Variants in PLCB1 observed in about 807,000 individuals in gnomAD.
PLCB1 encodes 1-phosphatidylinositol 4,5-bisphosphate phosphodiesterase beta-1.
Under a neutral mutation model 161.8 loss-of-function variants are expected in PLCB1, and 46 were observed. That is an observed-to-expected ratio of 0.28 (90% confidence interval 0.22 to 0.36). The LOEUF (loss-of-function observed/expected upper bound fraction) is 0.36, where lower values mean the gene tolerates loss of function less well. Among genes scored for constraint, PLCB1 ranks in the 10% least tolerant of loss-of-function variants. PLCB1 has a pLI of 1.00. For synonymous variants in PLCB1, 517 were observed against 503.7 expected (o/e 1.03, Z -0.35); for missense variants, 1,016 against 1,472.5 (o/e 0.69, Z 5.07).
chr20:8,649,755 C>T, intron 7 of PLCB1: 2 of 380,556 alleles, frequency 5.3e-6, no homozygotes, highest in Non-Finnish European at 9.7e-6. Flanking sequence ...CCCTCTCCAC[C>T]TTGGACTTCC....
At chr20:8,333,034 A>C (rs2745784) in intron 2 of PLCB1, among the ~76,000 whole-genome samples, 53,776 of 152,020 alleles carry the variant, frequency 0.35, 10,338 homozygotes, top group African/African-American at 0.49. Flanking sequence ...ACGAGGGACT[A>C]CGTGACCATT....
chr20:8,475,034 GAC>G (rs1268963861), intron 3 of PLCB1, among the ~76,000 whole-genome samples: 234 of 136,284 alleles, frequency 1.7e-3, no homozygotes, highest in African/African-American at 5.7e-3. Flanking sequence ...CACACACACA[GAC>G]ACACACACAC....
At chr20:8,372,585 A>C (rs1220183028) in intron 3 of PLCB1, among the ~76,000 whole-genome samples, 2 of 152,254 alleles carry the variant, frequency 1.3e-5, no homozygotes, top group South Asian at 4.1e-4. Flanking sequence ...ATATGAAACT[A>C]ATCTGTTATT....
intron 2 of PLCB1, among the ~76,000 whole-genome samples, chr20:8,228,069 G>T (rs898359218): frequency 6.6e-6 from 1 of 152,122 alleles, no homozygotes; most frequent in Admixed American, 6.5e-5. Flanking sequence ...TAAGGCAGGA[G>T]AATTGCTTGA....
intron 31 of PLCB1, among the ~76,000 whole-genome samples, chr20:8,850,276 C>A (rs939206717): frequency 6.6e-6 from 1 of 152,180 alleles, no homozygotes; most frequent in South Asian, 2.1e-4. Context: ...ATTTTCTAAT[C>A]GTGCTTCCAG....
At chr20:8,172,896 A>G (rs2051746806) in intron 2 of PLCB1, among the ~76,000 whole-genome samples, 1 of 152,200 alleles carries the variant, frequency 6.6e-6, no homozygotes, top group Non-Finnish European at 1.5e-5. Flanking sequence ...GGTGATCAGG[A>G]CCAGCATTTT....
chr20:8,619,423 GA>G (rs546147369), intron 3 of PLCB1, among the ~76,000 whole-genome samples: 60 of 135,092 alleles, frequency 4.4e-4, no homozygotes, highest in African/African-American at 5.9e-4. Context: ...TGTCTAAAAA[GA>G]AAAAAAAAAA....
At chr20:8,780,226 A>G (rs998141572) in intron 27 of PLCB1, among the ~76,000 whole-genome samples, 1 of 152,176 alleles carries the variant, frequency 6.6e-6, no homozygotes, top group East Asian at 1.9e-4. Flanking sequence ...AGGGTCCCCA[A>G]TCACTCTGGG....
At chr20:8,660,091 A>T (rs954002829) in intron 9 of PLCB1, among the ~76,000 whole-genome samples, 2 of 151,734 alleles carry the variant, frequency 1.3e-5, no homozygotes, top group Non-Finnish European at 2.9e-5. Context: ...TTTAGATGCA[A>T]TTTTTTAGTT....
chr20:8,732,869 ATT>A (rs1980346749), intron 18 of PLCB1, among the ~76,000 whole-genome samples: 3 of 139,794 alleles, frequency 2.1e-5, no homozygotes, highest in Admixed American at 7.4e-5. Flanking sequence ...TATTAGATAT[ATT>A]ATATTATATT....
intron 2 of PLCB1, among the ~76,000 whole-genome samples, chr20:8,355,382 G>A (rs1332564603): frequency 6.6e-6 from 1 of 152,090 alleles, no homozygotes; most frequent in African/African-American, 2.4e-5. Context: ...TTTGATATAA[G>A]GTGATTTTCT....
intron 31 of PLCB1, among the ~76,000 whole-genome samples, chr20:8,861,895 CATTG>C (rs1987270149): frequency 6.6e-6 from 1 of 152,026 alleles, no homozygotes; most frequent in Non-Finnish European, 1.5e-5. Context: ...TGAAAATGTA[CATTG>C]ATTTATTGGA....
chr20:8,875,642 A>T (rs1987754842), intron 31 of PLCB1, among the ~76,000 whole-genome samples: 1 of 151,308 alleles, frequency 6.6e-6, no homozygotes. Context: ...AATTTTGAAA[A>T]CCTTGCAAAT....
rs371377360 is a variant in PLCB1 at position 8,242,072 on chromosome 20, G to A, written c.177+91701G>A. 4.6e-5 allele frequency among the ~76,000 whole-genome samples: 7 copies of A among 152,030 alleles called. No individual in the cohort carries two copies. In the East Asian group the frequency reaches 1.2e-3, roughly 25 times the overall value. ...TCTCATGATAAACAGCCAGATATTA[G>A]GAGTCAGGAGCTAGAAGGACTCCCT... is the stretch of plus-strand genomic sequence containing the variant. On this transcript the variant is annotated intron_variant, in intron 2 of 31. Transcript: ENST00000338037.
intron 31 of PLCB1, among the ~76,000 whole-genome samples, chr20:8,811,294 A>G (rs1214720243): frequency 1.3e-5 from 2 of 152,220 alleles, no homozygotes; most frequent in East Asian, 3.8e-4. Flanking sequence ...ACTCATTTGG[A>G]GGTTTAGACT....
In PLCB1 at chr20:8,566,545, T is replaced by C. The variant is rs180711554; in HGVS notation, c.247-61749T>C. Among the ~76,000 whole-genome samples, 997 of 152,260 alleles carry C rather than the reference T, an allele frequency of 6.5e-3. 16 individuals carry two copies. The highest frequency in any genetic ancestry group is 0.023 in the African/African-American group (963 of 41,558). ...TCACCAAATAAACATAACATTTCTG[T>C]TGGGCATCTTTTGAGCAGTTAGATT... On this transcript the variant is annotated intron_variant, in intron 3 of 31. Coordinates refer to ENST00000338037, the MANE Select transcript of PLCB1 (RefSeq NM_015192.4).
chr20:8,870,015 A>T (rs1568631478), intron 31 of PLCB1, among the ~76,000 whole-genome samples: 2 of 152,238 alleles, frequency 1.3e-5, no homozygotes, highest in Non-Finnish European at 1.5e-5. Flanking sequence ...GCCTCTGCAT[A>T]GGCCATGCCT....
chr20:8,735,607 T>G (rs1024275278), intron 19 of PLCB1, among the ~76,000 whole-genome samples: 4 of 152,232 alleles, frequency 2.6e-5, no homozygotes, highest in African/African-American at 9.6e-5. Context: ...GAGAGCATTG[T>G]GGTTTTGGTG....
chr20:8,658,125 G>T (rs1280930755), intron 8 of PLCB1, among the ~76,000 whole-genome samples: 1 of 152,020 alleles, frequency 6.6e-6, no homozygotes, highest in Non-Finnish European at 1.5e-5. Flanking sequence ...CACTCAAACG[G>T]GTTGTTTACT....
Sources: gnomAD v4.1 joint callset for allele counts (sites outside exome capture counted in the v4.1 genomes callset) on GRCh38, gnomAD v4.1.1 for gene constraint, MANE v1.5 for transcripts, NCBI Gene and HGNC (gene_info 2026-07-23, HGNC 2026-07-21) for gene names.